RGL1: variants seen among roughly 807,000 people sequenced by gnomAD.
RGL1 encodes the protein ral guanine nucleotide dissociation stimulator-like 1.
In RGL1, 24 loss-of-function variants were observed where a neutral mutation model predicts 95.2. The observed-to-expected ratio is 0.25, with a 90% CI of 0.18 to 0.35. The LOEUF is 0.35. RGL1 is among the 10% of genes least tolerant of loss of function. The probability of loss-of-function intolerance (pLI) is 1.00; values close to 1 mark genes in which losing one functional copy is unlikely to be tolerated. For missense variants in RGL1, 715 were observed against 936.3 expected, an observed-to-expected ratio of 0.76 and a Z score of 3.08; for synonymous variants, 329 against 344.9, an observed-to-expected ratio of 0.95 and a Z score of 0.51.
intron 10 of RGL1, among the ~76,000 whole-genome samples, chr1:183,899,304 A>G (rs893437166): frequency 2.0e-5 from 3 of 152,204 alleles, no homozygotes; most frequent in Non-Finnish European, 4.4e-5. Flanking sequence ...TATCTGTTCC[A>G]GGACCCAATC....
chr1:183,765,203 T>G (rs1037145407), intron 2 of RGL1, among the ~76,000 whole-genome samples: 1 of 152,194 alleles, frequency 6.6e-6, no homozygotes, highest in Non-Finnish European at 1.5e-5. Flanking sequence ...AAAATCAATG[T>G]GAATTCCTCA....
At chr1:183,665,991 G>A (rs890727267) in intron 1 of RGL1, among the ~76,000 whole-genome samples, 5 of 150,178 alleles carry the variant, frequency 3.3e-5, no homozygotes, top group Non-Finnish European at 7.4e-5. Flanking sequence ...ATTGACTGAA[G>A]GTCTTCTTTT....
intron 2 of RGL1, among the ~76,000 whole-genome samples, chr1:183,751,646 A>G (rs1481411432): frequency 1.3e-5 from 2 of 152,192 alleles, no homozygotes; most frequent in Non-Finnish European, 2.9e-5. Context: ...ATGGCTGCCC[A>G]GTTTTGTGCT....
chr1:183,831,141 C>T (rs1410657957), intron 2 of RGL1, among the ~76,000 whole-genome samples: 1 of 152,046 alleles, frequency 6.6e-6, no homozygotes, highest in Non-Finnish European at 1.5e-5. Context: ...TCTGGTGTGG[C>T]AGGGGAAGAT....
chr1:183,774,526 C>A (rs1659484303), intron 2 of RGL1, among the ~76,000 whole-genome samples: 1 of 151,654 alleles, frequency 6.6e-6, no homozygotes, highest in South Asian at 2.1e-4. Context: ...TAGAAATTAA[C>A]CCTTCTGGTC....
At chr1:183,866,704 A>G (rs7540012) in intron 4 of RGL1, among the ~76,000 whole-genome samples, 22,907 of 152,172 alleles carry the variant, frequency 0.15, 2,390 homozygotes, top group African/African-American at 0.28. Context: ...GAGGAAGATA[A>G]GAAGCGCTTA....
intron 2 of RGL1, among the ~76,000 whole-genome samples, chr1:183,773,629 G>A (rs1273599373): frequency 1.3e-5 from 2 of 152,214 alleles, no homozygotes; most frequent in African/African-American, 4.8e-5. Context: ...AGCAACATAT[G>A]TGTGTAGTAA....
chr1:183,725,000 G>A lies in RGL1; in HGVS notation c.-32-17126G>A, dbSNP rs1028335674. Among the ~76,000 whole-genome samples, 1 of 151,992 alleles carries A rather than the reference G, an allele frequency of 6.6e-6. No individual in the cohort carries two copies. Among genetic ancestry groups the A allele is most frequent in the Non-Finnish European group, 1.5e-5 (1 of 67,970 alleles). On this transcript the variant is annotated intron_variant, in intron 1 of 18. Coordinates refer to the RGL1 transcript ENST00000304685. The surrounding 1 kb of genome is among the most constrained non-coding windows in gnomAD (Gnocchi z 4.1). ...ACACACACGGAGGGAAGAGGAGGAG[G>A]AGGAGAGAGAAAGAAACGGACTCTG...
At chr1:183,857,064 A>G (rs1199534861) in intron 3 of RGL1, among the ~76,000 whole-genome samples, 2 of 152,352 alleles carry the variant, frequency 1.3e-5, no homozygotes, top group African/African-American at 4.8e-5. Flanking sequence ...TCAGCTGACT[A>G]TAAAATAAGG....
intron 1 of RGL1, among the ~76,000 whole-genome samples, chr1:183,730,130 C>G (rs981271219): frequency 7.2e-5 from 11 of 152,190 alleles, no homozygotes; most frequent in African/African-American, 2.6e-4. Flanking sequence ...TAAAATTGTG[C>G]TTGTATGTAG....
At chr1:183,769,959 T>C (rs1659191957) in intron 2 of RGL1, among the ~76,000 whole-genome samples, 1 of 152,176 alleles carries the variant, frequency 6.6e-6, no homozygotes, top group African/African-American at 2.4e-5. Context: ...AGGCCACACT[T>C]CTCTAGATTG....
intron 1 of RGL1, among the ~76,000 whole-genome samples, chr1:183,637,580 A>G (rs1572204769): frequency 1.3e-5 from 2 of 152,358 alleles, no homozygotes; most frequent in Admixed American, 1.3e-4. Flanking sequence ...TCTATGCAGT[A>G]TATTATATAT....
chr1:183,765,720 G>C (rs1658927882), intron 2 of RGL1, among the ~76,000 whole-genome samples: 1 of 152,122 alleles, frequency 6.6e-6, no homozygotes, highest in African/African-American at 2.4e-5. Flanking sequence ...CTCTCCCAAG[G>C]AAGCCCTGGG....
At chr1:183,770,696 A>G (rs1659229864) in intron 2 of RGL1, among the ~76,000 whole-genome samples, 1 of 152,218 alleles carries the variant, frequency 6.6e-6, no homozygotes. Flanking sequence ...AAGTCAGGCG[A>G]TCATGACGGG....
At chr1:183,771,809 A>G (rs558183595) in intron 2 of RGL1, among the ~76,000 whole-genome samples, 90 of 152,310 alleles carry the variant, frequency 5.9e-4, no homozygotes, top group African/African-American at 2.1e-3. Flanking sequence ...CTGGCCTGCC[A>G]TGCCCCCATC....
chr1:183,705,721 A>G (rs1654872194), intron 1 of RGL1, among the ~76,000 whole-genome samples: 1 of 152,198 alleles, frequency 6.6e-6, no homozygotes, highest in Admixed American at 6.5e-5. Flanking sequence ...ATGGTTTAGG[A>G]ACTACTGGAC....
intron 1 of RGL1, among the ~76,000 whole-genome samples, chr1:183,697,684 G>A (rs531063014): frequency 2.2e-4 from 33 of 152,300 alleles, no homozygotes; most frequent in Admixed American, 3.9e-4. Flanking sequence ...GTTAAAAACT[G>A]TCATTGGTTT....
intron 2 of RGL1, among the ~76,000 whole-genome samples, chr1:183,807,597 G>GC (rs1220534293): frequency 6.6e-6 from 1 of 152,206 alleles, no homozygotes; most frequent in Non-Finnish European, 1.5e-5. Context: ...ATGGCCGGCA[G>GC]CAATCACTTC....
intron 1 of RGL1, among the ~76,000 whole-genome samples, chr1:183,654,194 C>T (rs992389852): frequency 2.6e-5 from 4 of 152,138 alleles, no homozygotes; most frequent in Non-Finnish European, 4.4e-5. Flanking sequence ...TCCTACTAGA[C>T]GAGATGTTTT....
Sources: allele counts gnomAD v4.1 joint callset (sites outside exome capture counted in the v4.1 genomes callset), GRCh38; gene constraint gnomAD v4.1.1; non-coding constraint Gnocchi (gnomAD v3.1); transcripts MANE v1.5; gene names NCBI Gene and HGNC (gene_info 2026-07-23, HGNC 2026-07-21).